Variants in OR52N4 observed in about 807,000 individuals in gnomAD.
OR52N4 encodes the protein olfactory receptor 52N4.
In OR52N4, 15 loss-of-function variants were observed where a neutral mutation model predicts 15.0. That is an observed-to-expected ratio of 1.00 (90% CI 0.67 to 1.54). OR52N4 has a LOEUF of 1.54. OR52N4 is among the 40% of genes most tolerant of loss of function. OR52N4 has a pLI of 0.00. For missense variants in OR52N4, 421 were observed against 394.0 expected (o/e 1.07, Z -0.58); for synonymous variants, 143 against 143.7 (o/e 1.00, Z 0.03).
rs1221598407 is a variant in OR52N4, at chr11:5,755,102, C to T, written c.362C>T (p.Ala121Val). The T allele has an allele frequency of 1.9e-6, 3 of 1,613,874 alleles. No individual in the cohort carries two copies. Among genetic ancestry groups the T allele is most frequent in the Non-Finnish European group, 2.5e-6 (3 of 1,179,970 alleles). ...GMESGVLMLM[A>V]LDRYVAICYP... Reference sequence around the variant, plus strand: ...GAGTCTGGGGTGCTTATGCTTATGGCCCTGGATCGCTATGTGGCCATCTGC... The same window carrying T: ...GAGTCTGGGGTGCTTATGCTTATGGTCCTGGATCGCTATGTGGCCATCTGC... The change falls in exon 2 of 2, where the codon GCC becomes GTC. Residue 121 changes from alanine (A) to valine (V), a missense_variant. Transcript: ENST00000641350.
At chr11:5,737,299 C>A in the OR52N4 span, 3 of 1,614,102 alleles carry the variant, frequency 1.9e-6, no homozygotes, top group African/African-American at 4.0e-5. Context: ...TTTTCTTTTA[C>A]ACTATTGTTG....
the OR52N4 span, among the ~76,000 whole-genome samples, chr11:5,744,150 C>T: frequency 6.6e-6 from 1 of 152,294 alleles, no homozygotes; most frequent in Admixed American, 6.5e-5. Context: ...GGTTAACATA[C>T]AACCTCCTAA....
the OR52N4 span, chr11:5,737,103 T>C: frequency 1.2e-6 from 2 of 1,613,892 alleles, no homozygotes; most frequent in African/African-American, 1.3e-5. Context: ...GTCACAAGCC[T>C]GGCTTGTGAT....
At chr11:5,734,124 C>T in the OR52N4 span, 5 of 454,094 alleles carry the variant, frequency 1.1e-5, no homozygotes, top group Non-Finnish European at 2.2e-5. Flanking sequence ...TAGCTGACAA[C>T]ACATTTTTAT....
At chr11:5,753,438 T>C (rs948035507), upstream of OR52N4, among the ~76,000 whole-genome samples, 1 of 152,226 alleles carries the variant, frequency 6.6e-6, no homozygotes, top group Non-Finnish European at 1.5e-5. Context: ...ATTTCTCTTT[T>C]GAAGTGTATG....
At chr11:5,731,852 C>T in the OR52N4 span, among the ~76,000 whole-genome samples, 1 of 151,984 alleles carries the variant, frequency 6.6e-6, no homozygotes, top group Non-Finnish European at 1.5e-5. Flanking sequence ...CATTATTTTT[C>T]CCGATTTTAA....
At chr11:5,749,239 G>A in the OR52N4 span, among the ~76,000 whole-genome samples, 2 of 151,972 alleles carry the variant, frequency 1.3e-5, no homozygotes, top group South Asian at 2.1e-4. Flanking sequence ...TGCAAAAGAG[G>A]GGATAGTGAC....
At chr11:5,727,414 G>C in the OR52N4 span, 1 of 152,356 alleles carries the variant, frequency 6.6e-6, no homozygotes, top group South Asian at 2.1e-4. Context: ...TAAAAGAGTT[G>C]TCAGGGTGTT....
At chr11:5,736,738 C>T in the OR52N4 span, 127 of 1,613,886 alleles carry the variant, frequency 7.9e-5, no homozygotes, top group Non-Finnish European at 1.0e-4. Context: ...TCCTTGGCAT[C>T]CTCTGTATGG....
At chr11:5,736,817 A>G in the OR52N4 span, 4 of 1,614,012 alleles carry the variant, frequency 2.5e-6, no homozygotes, top group Non-Finnish European at 3.4e-6. Flanking sequence ...TGCCAAGGTT[A>G]TTAGCCTCCC....
At position 5,755,688 on chromosome 11, in the gene OR52N4, C is replaced by T. The variant is rs1469779655; in HGVS notation, c.948C>T (p.Thr316=). 1 of 1,612,842 alleles carries T rather than the reference C, an allele frequency of 6.2e-7. No homozygotes were observed. Among genetic ancestry groups the T allele is most frequent in the African/African-American group, 1.3e-5 (1 of 74,852 alleles). Residue 316 remains threonine (T), a synonymous_variant, in exon 2 of 2, where the codon ACC becomes ACT. Coordinates refer to ENST00000641350, the MANE Select transcript of OR52N4 (RefSeq NM_001005175.5). ...GGATCCTTTCAGGTTCTAAGGATAC[C>T]AAATCCTACAGCATGTGAATGAACA... The part of the protein sequence containing the change: ...VIRILSGSKD[T]KSYSM
the OR52N4 span, chr11:5,737,002 C>T: frequency 6.2e-7 from 1 of 1,614,000 alleles, no homozygotes; most frequent in Non-Finnish European, 8.5e-7. Context: ...TGAGAAATGG[C>T]TTATTTGTCA....
chr11:5,736,778 C>T, the OR52N4 span: 1 of 1,614,022 alleles, frequency 6.2e-7, no homozygotes, highest in East Asian at 2.2e-5. Context: ...TACTATCATC[C>T]CTAAGATCCT....
At chr11:5,740,310 T>C in the OR52N4 span, among the ~76,000 whole-genome samples, 21 of 127,518 alleles carry the variant, frequency 1.6e-4, 3 homozygotes, top group African/African-American at 5.6e-4. Context: ...GAAAGGTATG[T>C]GGAGGGGTGG....
chr11:5,736,686 T>C, the OR52N4 span: 2 of 1,614,044 alleles, frequency 1.2e-6, no homozygotes, highest in Non-Finnish European at 1.7e-6. Flanking sequence ...ATCCTCATCA[T>C]CATCTGGCAG....
chr11:5,736,819 T>C, the OR52N4 span: 3 of 1,614,016 alleles, frequency 1.9e-6, no homozygotes, highest in South Asian at 2.2e-5. Flanking sequence ...CCAAGGTTAT[T>C]AGCCTCCCTG....
upstream of OR52N4, among the ~76,000 whole-genome samples, chr11:5,750,525 A>T (rs190487370): frequency 3.7e-4 from 56 of 152,106 alleles, no homozygotes; most frequent in Admixed American, 1.8e-3. Context: ...GGAGAAAAGA[A>T]TCGTGACACT....
chr11:5,753,008 T>C (rs1263963889), upstream of OR52N4, among the ~76,000 whole-genome samples: 1 of 152,218 alleles, frequency 6.6e-6, no homozygotes, highest in Non-Finnish European at 1.5e-5. Flanking sequence ...TGGTATTTCA[T>C]TGTGGGAATG....
chr11:5,731,721 G>A, the OR52N4 span, among the ~76,000 whole-genome samples: 1 of 152,058 alleles, frequency 6.6e-6, no homozygotes, highest in Non-Finnish European at 1.5e-5. Flanking sequence ...GCCATGGAAA[G>A]TGGCTCTCAT....
Sources: allele counts gnomAD v4.1 joint callset (sites outside exome capture counted in the v4.1 genomes callset), GRCh38; gene constraint gnomAD v4.1.1; transcripts MANE v1.5; gene names NCBI Gene and HGNC (gene_info 2026-07-23, HGNC 2026-07-21).